USP32: variants seen among roughly 807,000 people sequenced by gnomAD.
USP32 encodes ubiquitin carboxyl-terminal hydrolase 32.
A neutral mutation model predicts 204.8 loss-of-function variants in USP32; 59 were observed. The observed-to-expected ratio is 0.29, with a 90% CI of 0.23 to 0.36. The LOEUF (loss-of-function observed/expected upper bound fraction) is 0.36, where lower values mean the gene tolerates loss of function less well. Ranked by LOEUF, USP32 falls within the 10% of genes least tolerant of loss-of-function variation. The pLI is 1.00. For synonymous variants in USP32, 517 were observed against 678.4 expected, an observed-to-expected ratio of 0.76 and a Z score of 3.70; for missense variants, 1,160 against 1,946.4, an observed-to-expected ratio of 0.60 and a Z score of 7.60.
intron 3 of USP32, 40 bp from the exon 4 acceptor site, chr17:60,294,841 G>C (rs762078993): frequency 7.2e-7 from 1 of 1,384,384 alleles, no homozygotes; most frequent in Non-Finnish European, 1.0e-6. Flanking sequence ...TCTTAACAAA[G>C]ACCAAATATA....
At chr17:60,410,640 C>T (rs1207704575) in intron 1 of USP32, among the ~76,000 whole-genome samples, 1 of 152,036 alleles carries the variant, frequency 6.6e-6, no homozygotes. Flanking sequence ...TGCACGCCAG[C>T]CTGGGCCACA....
rs373873268 is a variant in USP32 at position 60,271,326 on chromosome 17, T to C, written c.703+24A>G. 128 of 1,612,368 alleles carry C rather than the reference T, an allele frequency of 7.9e-5. 2 individuals are homozygous for C. The highest frequency in any genetic ancestry group is 1.0e-4 in the Non-Finnish European group (122 of 1,179,236). On this transcript the variant is annotated intron_variant, in intron 6 of 33. Transcript: ENST00000300896. ...TCAGGTATGTTTACCAGTGAACATA[T>C]GTAGAAAATGGAATGATCCCTACCT...
chr17:60,209,248 T>C, intron 22 of USP32, 122 bp downstream of exon 22: 2 of 906,946 alleles, frequency 2.2e-6, no homozygotes, highest in Non-Finnish European at 3.0e-6. Context: ...TAGAAATTCA[T>C]TCATTTTTGC....
intron 1 of USP32, among the ~76,000 whole-genome samples, chr17:60,403,988 C>T (rs2089956325): frequency 6.6e-6 from 1 of 151,012 alleles, no homozygotes; most frequent in Non-Finnish European, 1.5e-5. Context: ...CGCAGTGAGC[C>T]GCGATCACAC....
At chr17:60,342,229 C>G (rs537360472) in intron 2 of USP32, among the ~76,000 whole-genome samples, 9 of 152,186 alleles carry the variant, frequency 5.9e-5, no homozygotes, top group Non-Finnish European at 1.0e-4. Context: ...TGGGTATCAC[C>G]AGTAGAGGCT....
intron 2 of USP32, among the ~76,000 whole-genome samples, chr17:60,318,651 G>GACTA (rs1250133078): frequency 1.3e-5 from 2 of 152,148 alleles, no homozygotes; most frequent in East Asian, 3.9e-4. Flanking sequence ...ACAAGGCTGG[G>GACTA]ACTAGGTCAG....
chr17:60,269,386 T>C (rs1218731637), intron 7 of USP32, 64 bp downstream of exon 7: 8 of 1,225,304 alleles, frequency 6.5e-6, no homozygotes, highest in South Asian at 1.4e-5. Context: ...TAATTTTACA[T>C]TGATGAAAAC....
At chr17:60,353,589 A>C (rs2089002173) in intron 1 of USP32, among the ~76,000 whole-genome samples, 1 of 152,046 alleles carries the variant, frequency 6.6e-6, no homozygotes, top group African/African-American at 2.4e-5. Context: ...AAAAATACAA[A>C]AATTAGCCAG....
intron 31 of USP32, 42 bp from the exon 32 acceptor site, chr17:60,181,790 C>T: frequency 6.3e-7 from 1 of 1,578,648 alleles, no homozygotes; most frequent in Non-Finnish European, 8.6e-7. Flanking sequence ...ATTCAAATGC[C>T]ACAAAGTAAG....
intron 4 of USP32, among the ~76,000 whole-genome samples, chr17:60,293,626 C>G (rs989288189): frequency 2.0e-5 from 3 of 152,162 alleles, no homozygotes; most frequent in African/African-American, 7.2e-5. Flanking sequence ...GAGATATCAC[C>G]AGGTGCTATC....
chr17:60,179,335 C>T lies in USP32; in HGVS notation c.4735G>A (p.Asp1579Asn), dbSNP rs1464026006. The change falls in exon 34 of 34, where the codon GAT becomes AAT. Residue 1579 changes from aspartate (D) to asparagine (N), a missense_variant. Coordinates refer to ENST00000300896, the MANE Select transcript of USP32 (RefSeq NM_032582.4). ...IDYAQFLPKT[D>N]GKKMADTSSM... ...CTTGTGTCTGCCATCTTTTTGCCAT[C>T]AGTCTTTGGCAGAAATTGTGCATAG... is the stretch of plus-strand genomic sequence containing the variant. 7.4e-6 allele frequency: 12 copies of T among 1,613,740 alleles called. No individual in the cohort carries two copies. The highest frequency in any genetic ancestry group is 1.0e-5 in the Non-Finnish European group (12 of 1,179,874).
chr17:60,245,722 A>T, intron 11 of USP32: 1 of 160,958 alleles, frequency 6.2e-6, no homozygotes, highest in Non-Finnish European at 1.4e-5. Flanking sequence ...GTTCATGTGG[A>T]TGTTAATAAC....
chr17:60,365,725 A>G (rs2089298382), intron 1 of USP32, among the ~76,000 whole-genome samples: 1 of 152,128 alleles, frequency 6.6e-6, no homozygotes, highest in South Asian at 2.1e-4. Context: ...TTATTAAAAG[A>G]ATGCATTAAG....
At chr17:60,203,612 T>C (rs1281645368) in intron 26 of USP32, among the ~76,000 whole-genome samples, 1 of 151,900 alleles carries the variant, frequency 6.6e-6, no homozygotes, top group East Asian at 1.9e-4. Flanking sequence ...GTTTTGCTCT[T>C]GTCGCCCAGG....
At chr17:60,249,594 T>G (rs896146461) in intron 11 of USP32, 1 of 587,474 alleles carries the variant, frequency 1.7e-6, no homozygotes, top group Non-Finnish European at 3.0e-6. Flanking sequence ...CTTCAAATCA[T>G]GAATCAGACT....
chr17:60,227,339 G>A (rs1385615068), intron 12 of USP32, among the ~76,000 whole-genome samples: 4 of 147,140 alleles, frequency 2.7e-5, no homozygotes, highest in African/African-American at 5.0e-5. Context: ...GCGTGATCTC[G>A]GGTCACTGCA....
chr17:60,337,823 A>G (rs1034539512), intron 2 of USP32, among the ~76,000 whole-genome samples: 2 of 151,902 alleles, frequency 1.3e-5, no homozygotes, highest in African/African-American at 4.8e-5. Flanking sequence ...CGAGGCTACA[A>G]TGAGCCATGA....
chr17:60,296,001 A>G (rs2087418639), intron 3 of USP32, among the ~76,000 whole-genome samples: 1 of 152,204 alleles, frequency 6.6e-6, no homozygotes, highest in Non-Finnish European at 1.5e-5. Flanking sequence ...CATGTTGTAT[A>G]AAAACCAGCA....
At chr17:60,243,066 C>A (rs532254191) in intron 11 of USP32, among the ~76,000 whole-genome samples, 1 of 152,276 alleles carries the variant, frequency 6.6e-6, no homozygotes, top group African/African-American at 2.4e-5. Flanking sequence ...ACAAGTCTTG[C>A]ACTTCTTTTG....
Sources: allele counts gnomAD v4.1 joint callset (sites outside exome capture counted in the v4.1 genomes callset), GRCh38; gene constraint gnomAD v4.1.1; transcripts MANE v1.5; gene names NCBI Gene and HGNC (gene_info 2026-07-23, HGNC 2026-07-21).